ELMO1: variants seen among roughly 807,000 people sequenced by gnomAD.
ELMO1 encodes engulfment and cell motility protein 1.
ELMO1 carries 26 observed loss-of-function variants against 98.9 expected under a neutral mutation model. The ratio of observed to expected loss-of-function variants is 0.26; its 90% CI spans 0.19 to 0.36. The LOEUF (loss-of-function observed/expected upper bound fraction) is 0.36. ELMO1 is among the 10% of genes least tolerant of loss of function. ELMO1 has a pLI of 1.00. For missense variants in ELMO1, 627 were observed against 935.2 expected (o/e 0.67, Z 4.30); for synonymous variants, 346 against 346.0 (o/e 1.00, Z 0.00).
chr7:37,433,893 G>A (rs575061262), intron 1 of ELMO1, among the ~76,000 whole-genome samples: 4 of 152,182 alleles, frequency 2.6e-5, no homozygotes, highest in Admixed American at 1.3e-4. Context: ...CTCCTCATCA[G>A]GCCAGGCTAA....
chr7:37,162,616 A>G (rs1414931408), intron 13 of ELMO1, among the ~76,000 whole-genome samples: 1 of 152,232 alleles, frequency 6.6e-6, no homozygotes, highest in Non-Finnish European at 1.5e-5. Context: ...GAATCTTGAC[A>G]AAGTGAAAAA....
intron 1 of ELMO1, among the ~76,000 whole-genome samples, chr7:37,438,181 T>C (rs1056641037): frequency 5.3e-5 from 8 of 152,130 alleles, no homozygotes; most frequent in African/African-American, 1.7e-4. Flanking sequence ...AGCAAACTAA[T>C]TCTAGTCAAG....
At chr7:37,065,369 A>T (rs1447365981) in intron 15 of ELMO1, among the ~76,000 whole-genome samples, 1 of 151,922 alleles carries the variant, frequency 6.6e-6, no homozygotes, top group Non-Finnish European at 1.5e-5. Flanking sequence ...TCTGCCTTCC[A>T]TCTCCTTCCA....
intron 18 of ELMO1, 98 bp downstream of exon 18, chr7:36,887,462 A>G: frequency 1.8e-6 from 2 of 1,092,216 alleles, no homozygotes; most frequent in Non-Finnish European, 2.7e-6. Context: ...ACAATGCTGC[A>G]TGGCCTACCC....
chr7:36,996,079 C>T (rs572762553), intron 16 of ELMO1, among the ~76,000 whole-genome samples: 1 of 152,256 alleles, frequency 6.6e-6, no homozygotes, highest in South Asian at 2.1e-4. Flanking sequence ...TGGCTTTTGT[C>T]AGACAATAAA....
At chr7:36,921,222 G>A (rs972561839) in intron 16 of ELMO1, among the ~76,000 whole-genome samples, 2 of 152,306 alleles carry the variant, frequency 1.3e-5, no homozygotes, top group Admixed American at 1.3e-4. Flanking sequence ...CGCTGTGACA[G>A]TAGCCTGAAT....
At chr7:37,434,380 A>G (rs552241255) in intron 1 of ELMO1, among the ~76,000 whole-genome samples, 1 of 152,350 alleles carries the variant, frequency 6.6e-6, no homozygotes, top group South Asian at 2.1e-4. Context: ...TGAGAACCAC[A>G]GAACTAGGTA....
chr7:37,051,024 A>T (rs1478897566), intron 15 of ELMO1, among the ~76,000 whole-genome samples: 1 of 152,238 alleles, frequency 6.6e-6, no homozygotes, highest in African/African-American at 2.4e-5. Context: ...ATTTCCCATA[A>T]GAATTCTTTC....
chr7:36,875,894 A>T (rs1047565464), intron 19 of ELMO1, among the ~76,000 whole-genome samples: 1 of 152,210 alleles, frequency 6.6e-6, no homozygotes, highest in Non-Finnish European at 1.5e-5. Context: ...CTGTCGGTCA[A>T]GTGCCTATCT....
chr7:36,961,861 G>A (rs1788981146), intron 16 of ELMO1, among the ~76,000 whole-genome samples: 1 of 152,196 alleles, frequency 6.6e-6, no homozygotes, highest in Non-Finnish European at 1.5e-5. Flanking sequence ...GGCCAGGCAT[G>A]TAAATAGTAT....
intron 17 of ELMO1, 113 bp from the exon 18 acceptor site, chr7:36,887,785 C>A: frequency 2.4e-6 from 2 of 842,096 alleles, no homozygotes; most frequent in Non-Finnish European, 3.8e-6. Flanking sequence ...TCATGAGCAT[C>A]TAATACCTCC....
intron 5 of ELMO1, among the ~76,000 whole-genome samples, chr7:37,261,060 C>T (rs1379828525): frequency 6.6e-6 from 1 of 151,942 alleles, no homozygotes; most frequent in Non-Finnish European, 1.5e-5. Context: ...TAATGAGTAC[C>T]CAAAAATTAT....
intron 16 of ELMO1, among the ~76,000 whole-genome samples, chr7:36,925,145 G>C (rs1229145743): frequency 6.6e-6 from 1 of 152,130 alleles, no homozygotes; most frequent in Admixed American, 6.5e-5. Flanking sequence ...TTGACTCCTT[G>C]TAAAGTTTCT....
chr7:37,311,943 T>C lies in ELMO1; in HGVS notation c.192+2907A>G, dbSNP rs116228223. Among the ~76,000 whole-genome samples, 1,334 of 152,282 alleles carry C rather than the reference T, an allele frequency of 8.8e-3. 22 individuals are homozygous for C. Among genetic ancestry groups the C allele is most frequent in the African/African-American group, 0.031 (1,286 of 41,540 alleles). On this transcript the variant is annotated intron_variant, in intron 4 of 21. Coordinates refer to ENST00000310758, the MANE Select transcript of ELMO1 (RefSeq NM_014800.11). Reference sequence around the variant, plus strand: ...ATAACTAAGATACACCATAAAATAATAATTTCCTCCATTCTCAATAGTTTG... The same window carrying C: ...ATAACTAAGATACACCATAAAATAACAATTTCCTCCATTCTCAATAGTTTG...
intron 16 of ELMO1, among the ~76,000 whole-genome samples, chr7:36,992,704 C>T (rs1201772940): frequency 1.3e-5 from 2 of 152,184 alleles, no homozygotes; most frequent in Non-Finnish European, 2.9e-5. Flanking sequence ...AAGTAAACCT[C>T]TTCCAATTCC....
At chr7:37,014,798 TGGAAG>T (rs1404960728) in intron 15 of ELMO1, among the ~76,000 whole-genome samples, 2 of 151,912 alleles carry the variant, frequency 1.3e-5, no homozygotes, top group African/African-American at 2.4e-5. Context: ...TTTCAGGCCC[TGGAAG>T]TCCAGGACAG....
At chr7:37,126,300 AAT>A (rs201860679) in intron 14 of ELMO1, among the ~76,000 whole-genome samples, 1,866 of 134,072 alleles carry the variant, frequency 0.014, 20 homozygotes, top group African/African-American at 0.027. Flanking sequence ...GTATAATTTA[AAT>A]ATATATATAT....
intron 4 of ELMO1, among the ~76,000 whole-genome samples, chr7:37,292,747 G>GC (rs1163024335): frequency 1.0e-5 from 1 of 98,198 alleles, no homozygotes; most frequent in Admixed American, 9.7e-5. Flanking sequence ...GGGGGGGTCA[G>GC]CCCCCCGCCC....
At chr7:37,373,872 C>G (rs1258658057) in intron 1 of ELMO1, among the ~76,000 whole-genome samples, 1 of 152,192 alleles carries the variant, frequency 6.6e-6, no homozygotes, top group Non-Finnish European at 1.5e-5. Context: ...ATGTTTAAGG[C>G]ACCAGCAAAG....
Sources: allele counts gnomAD v4.1 joint callset (sites outside exome capture counted in the v4.1 genomes callset), GRCh38; gene constraint gnomAD v4.1.1; transcripts MANE v1.5; gene names NCBI Gene and HGNC (gene_info 2026-07-23, HGNC 2026-07-21).